NFATC3: variants seen among roughly 807,000 people sequenced by gnomAD.
NFATC3 encodes the protein nuclear factor of activated T cells 3, also known as nuclear factor of activated T-cells, cytoplasmic 3.
A neutral mutation model predicts 98.6 loss-of-function variants in NFATC3; 46 were observed. That is an observed-to-expected ratio of 0.47 (90% CI 0.37 to 0.60). NFATC3 has a LOEUF of 0.60. NFATC3 is among the 20% of genes least tolerant of loss of function. The pLI is 0.00. For synonymous variants in NFATC3, 512 were observed against 472.2 expected, an observed-to-expected ratio of 1.08 and a Z score of -1.09; for missense variants, 1,256 against 1,295.5, an observed-to-expected ratio of 0.97 and a Z score of 0.47.
intron 9 of NFATC3, among the ~76,000 whole-genome samples, chr16:68,207,847 C>G (rs535516859): frequency 3.3e-5 from 5 of 152,244 alleles, no homozygotes; most frequent in Admixed American, 6.5e-5. Flanking sequence ...ATAAGGCTTT[C>G]AGTTTCTTTA....
intron 1 of NFATC3, among the ~76,000 whole-genome samples, chr16:68,103,708 G>A (rs892902212): frequency 6.6e-6 from 1 of 152,068 alleles, no homozygotes; most frequent in Non-Finnish European, 1.5e-5. Flanking sequence ...TCCTTTTTGA[G>A]TTAATTTTTG....
intron 4 of NFATC3, among the ~76,000 whole-genome samples, chr16:68,160,685 A>C (rs942998292): frequency 6.7e-6 from 1 of 148,294 alleles, no homozygotes; most frequent in Non-Finnish European, 1.5e-5. Context: ...GATAATCTCT[A>C]CTCTTAAATT....
chr16:68,177,251 A>G (rs1202394822), intron 6 of NFATC3, among the ~76,000 whole-genome samples: 2 of 151,942 alleles, frequency 1.3e-5, no homozygotes, highest in African/African-American at 4.8e-5. Context: ...GGGTTTCACC[A>G]TGTTGGCCAG....
intron 3 of NFATC3, among the ~76,000 whole-genome samples, chr16:68,157,401 T>C (rs1452352426): frequency 6.6e-6 from 1 of 152,230 alleles, no homozygotes; most frequent in African/African-American, 2.4e-5. Flanking sequence ...TGTAAGTTTA[T>C]ACTTATAAAA....
chr16:68,207,705 A>G (rs7195172), intron 9 of NFATC3, among the ~76,000 whole-genome samples: 27,999 of 151,890 alleles, frequency 0.18, 2,959 homozygotes, highest in African/African-American at 0.28. Context: ...CAGGTCACCC[A>G]CCCTCCTCAG....
At chr16:68,128,450 T>C (rs2036952475) in intron 3 of NFATC3, among the ~76,000 whole-genome samples, 1 of 152,186 alleles carries the variant, frequency 6.6e-6, no homozygotes, top group South Asian at 2.1e-4. Context: ...GATTTATTGC[T>C]TAGTTTTCTA....
At chr16:68,111,461 C>A (rs1255294558) in intron 1 of NFATC3, among the ~76,000 whole-genome samples, 1 of 151,966 alleles carries the variant, frequency 6.6e-6, no homozygotes, top group African/African-American at 2.4e-5. Context: ...TTTTTCCTGC[C>A]TTCCATTTGC....
chr16:68,141,860 G>T (rs1324362923), intron 3 of NFATC3, among the ~76,000 whole-genome samples: 2 of 151,888 alleles, frequency 1.3e-5, no homozygotes, highest in South Asian at 2.1e-4. Context: ...TTTGTTTTTG[G>T]GGTCTTAATC....
intron 3 of NFATC3, among the ~76,000 whole-genome samples, chr16:68,151,896 C>A (rs1370077495): frequency 6.6e-6 from 1 of 151,814 alleles, no homozygotes; most frequent in Non-Finnish European, 1.5e-5. Context: ...TGGTGAAACC[C>A]CGTCTCTACT....
chr16:68,092,421 C>A (rs962814130), intron 1 of NFATC3, among the ~76,000 whole-genome samples: 4 of 149,974 alleles, frequency 2.7e-5, no homozygotes, highest in Admixed American at 2.7e-4. Flanking sequence ...CCATTGCACT[C>A]CAGCCTGGGG....
chr16:68,147,885 C>A (rs1225779475), intron 3 of NFATC3, among the ~76,000 whole-genome samples: 1 of 151,822 alleles, frequency 6.6e-6, no homozygotes, highest in Non-Finnish European at 1.5e-5. Flanking sequence ...GGCATTATTA[C>A]TTACCCCATC....
chr16:68,201,472 T>A (rs939142165), intron 9 of NFATC3, among the ~76,000 whole-genome samples: 19 of 150,804 alleles, frequency 1.3e-4, no homozygotes, highest in African/African-American at 4.6e-4. Flanking sequence ...AGTTTCGCCA[T>A]GTTGCCCAGG....
intron 7 of NFATC3, among the ~76,000 whole-genome samples, chr16:68,183,016 A>G (rs984042049): frequency 6.6e-6 from 1 of 152,174 alleles, no homozygotes; most frequent in Non-Finnish European, 1.5e-5. Context: ...CAGAAACCCA[A>G]TTGGGTGAGT....
At chr16:68,221,406 G>A in intron 9 of NFATC3, 1 of 1,471,044 alleles carries the variant, frequency 6.8e-7, no homozygotes, top group South Asian at 1.4e-5. Flanking sequence ...GCACTTTGTT[G>A]CAGTTCTGAC....
At chr16:68,147,243 A>T (rs1451647479) in intron 3 of NFATC3, among the ~76,000 whole-genome samples, 1 of 152,146 alleles carries the variant, frequency 6.6e-6, no homozygotes, top group African/African-American at 2.4e-5. Context: ...ATGTTATTTG[A>T]TATCTGGATA....
intron 3 of NFATC3, among the ~76,000 whole-genome samples, chr16:68,127,704 G>A (rs2036911881): frequency 6.6e-6 from 1 of 150,938 alleles, no homozygotes; most frequent in Non-Finnish European, 1.5e-5. Flanking sequence ...AAAAAAAAAG[G>A]AATTCCTAAA....
intron 1 of NFATC3, among the ~76,000 whole-genome samples, chr16:68,116,634 C>T (rs1304163454): frequency 6.6e-6 from 1 of 152,142 alleles, no homozygotes; most frequent in African/African-American, 2.4e-5. Context: ...ATTTTGTGTG[C>T]AGGTCTCTGC....
At position 68,190,684 on chromosome 16, in the gene NFATC3, T is replaced by C; in HGVS notation, c.2099-84T>C. The C allele has an allele frequency of 2.1e-6, 3 of 1,406,298 alleles. No homozygotes were observed. In the South Asian group the frequency reaches 4.2e-5, roughly 20 times the overall value. The allele number at this position is 1,406,298 out of a possible 1,614,324, so 87.1% of individuals were successfully genotyped here. A position where few individuals can be genotyped will look rare whatever the true frequency, so the allele number is the denominator to read the frequency against. On this transcript the variant is annotated intron_variant, in intron 8 of 9. Transcript: ENST00000346183. The stretch of plus-strand genomic sequence containing the variant: ...TGAGTTTGCCCCTCAGCTTACGCTG[T>C]AGTTGTGTAACCTAGCATGAAGGCC...
At chr16:68,211,177 A>G (rs751111675) in intron 9 of NFATC3, among the ~76,000 whole-genome samples, 3 of 151,434 alleles carry the variant, frequency 2.0e-5, no homozygotes, top group African/African-American at 7.3e-5. Context: ...TTTCAAAAGA[A>G]TCGAAACTCT....
Sources: gnomAD v4.1 joint callset for allele counts (sites outside exome capture counted in the v4.1 genomes callset) on GRCh38, gnomAD v4.1.1 for gene constraint, MANE v1.5 for transcripts, NCBI Gene and HGNC (gene_info 2026-07-23, HGNC 2026-07-21) for gene names.